Variants in C2orf80 observed in about 807,000 individuals in gnomAD.
C2orf80 encodes uncharacterized protein C2orf80.
In C2orf80, 28 loss-of-function variants were observed where a neutral mutation model predicts 30.2. The ratio of observed to expected loss-of-function variants is 0.93; its 90% CI spans 0.69 to 1.27. The LOEUF (loss-of-function observed/expected upper bound fraction) is 1.27, where lower values mean the gene tolerates loss of function less well. Among genes scored for constraint, C2orf80 ranks in the 50% most tolerant of loss-of-function variants. The pLI, the probability that C2orf80 is intolerant of heterozygous loss-of-function variation, is 0.00. For missense variants in C2orf80, 220 were observed against 231.0 expected (o/e 0.95, Z 0.31); for synonymous variants, 80 against 76.4 (o/e 1.05, Z -0.24).
chr2:208,174,532 C>A (rs1210171270), intron 6 of C2orf80, among the ~76,000 whole-genome samples: 1 of 152,188 alleles, frequency 6.6e-6, no homozygotes, highest in Admixed American at 6.5e-5. Flanking sequence ...GTGCCACCAT[C>A]GTGTGCTCGA....
At chr2:208,180,921 G>A in intron 5 of C2orf80, 105 bp from the exon 6 acceptor site, 3 of 923,068 alleles carry the variant, frequency 3.3e-6, no homozygotes, top group East Asian at 5.1e-5. Flanking sequence ...CTGTGCTTGG[G>A]TATCATAAGT....
intron 1 of C2orf80, 52 bp downstream of exon 1, chr2:208,189,901 C>T: frequency 1.4e-6 from 1 of 702,446 alleles, no homozygotes; most frequent in South Asian, 1.5e-5. Context: ...GTCTCTCGGG[C>T]TGTTCTATTA....
intron 8 of C2orf80, among the ~76,000 whole-genome samples, chr2:208,167,050 A>T (rs570010793): frequency 2.0e-5 from 3 of 152,238 alleles, no homozygotes; most frequent in South Asian, 4.1e-4. Flanking sequence ...GAGATGAAAA[A>T]CTAAAAGCAC....
intron 8 of C2orf80, among the ~76,000 whole-genome samples, chr2:208,167,292 G>A (rs1695926367): frequency 6.6e-6 from 1 of 151,910 alleles, no homozygotes; most frequent in South Asian, 2.1e-4. Context: ...GGGAGGCTGA[G>A]GTGGGTGGAT....
chr2:208,169,901 G>A (rs1696039758), intron 8 of C2orf80, among the ~76,000 whole-genome samples: 1 of 152,066 alleles, frequency 6.6e-6, no homozygotes, highest in Non-Finnish European at 1.5e-5. Flanking sequence ...AGTTCCTAAA[G>A]CAGTTGCTAT....
At chr2:208,179,580 T>C (rs1696483661) in intron 6 of C2orf80, among the ~76,000 whole-genome samples, 1 of 152,206 alleles carries the variant, frequency 6.6e-6, no homozygotes, top group South Asian at 2.1e-4. Context: ...TCTGGAGGTA[T>C]CCAAAGGTGA....
chr2:208,173,750 T>C (rs928148191), intron 6 of C2orf80, among the ~76,000 whole-genome samples: 6 of 152,166 alleles, frequency 3.9e-5, no homozygotes, highest in Non-Finnish European at 7.3e-5. Flanking sequence ...AACACATAAT[T>C]CAAACTAGTG....
chr2:208,171,946 T>A (rs776552508), intron 7 of C2orf80, 42 bp downstream of exon 7: 7 of 1,513,416 alleles, frequency 4.6e-6, no homozygotes, highest in Non-Finnish European at 6.4e-6. Context: ...TTTCCTAGTT[T>A]GACTTACATT....
At chr2:208,167,484 T>C (rs113851016) in intron 8 of C2orf80, among the ~76,000 whole-genome samples, 19 of 151,670 alleles carry the variant, frequency 1.3e-4, no homozygotes, top group African/African-American at 4.6e-4. Flanking sequence ...ATAACACCAC[T>C]GCACTCCAGC....
chr2:208,181,094 A>G, intron 5 of C2orf80, 124 bp downstream of exon 5: 1 of 740,992 alleles, frequency 1.3e-6, no homozygotes, highest in Non-Finnish European at 2.2e-6. Flanking sequence ...CGAAACATTT[A>G]CTATCAATAA....
intron 6 of C2orf80, among the ~76,000 whole-genome samples, chr2:208,176,037 G>A (rs1489732275): frequency 1.3e-5 from 2 of 152,100 alleles, no homozygotes; most frequent in Non-Finnish European, 2.9e-5. Flanking sequence ...GTGATCACTG[G>A]TTGTCCAAAA....
intron 1 of C2orf80, 133 bp from the exon 2 acceptor site, chr2:208,187,194 A>G (rs1461979382): frequency 1.9e-6 from 1 of 536,934 alleles, no homozygotes; most frequent in Non-Finnish European, 3.3e-6. Flanking sequence ...GTTCAGGGTC[A>G]AAAAGCCACC....
Position 208,186,939 on chromosome 2 carries a change from T to C in C2orf80, c.41+7A>G, listed in dbSNP as rs570000442. On this transcript the variant is annotated splice_region_variant and intron_variant, in intron 2 of 8. Transcript: ENST00000341287. ...CATAAATGAAAGTTATTCTCAGTCA[T>C]ACTTACAAGAGCTTTTTCATTTCCT... 94 of 1,612,854 alleles carry C rather than the reference T, an allele frequency of 5.8e-5. No homozygotes were observed. In the South Asian group the frequency reaches 9.1e-4, roughly 16 times the overall value.
intron 3 of C2orf80, among the ~76,000 whole-genome samples, chr2:208,183,694 G>A (rs1204245853): frequency 6.6e-6 from 1 of 152,150 alleles, no homozygotes; most frequent in African/African-American, 2.4e-5. Flanking sequence ...AGATGGGGAA[G>A]GAAATCACAG....
At chr2:208,167,817 C>T (rs1695950777) in intron 8 of C2orf80, among the ~76,000 whole-genome samples, 1 of 150,276 alleles carries the variant, frequency 6.7e-6, no homozygotes, top group African/African-American at 2.4e-5. Context: ...CTCAAGTAAT[C>T]TGCTCTCCTT....
intron 6 of C2orf80, among the ~76,000 whole-genome samples, chr2:208,176,345 T>A (rs2105900158): frequency 6.6e-6 from 1 of 152,246 alleles, no homozygotes; most frequent in East Asian, 1.9e-4. Flanking sequence ...CCGGCTAATT[T>A]TTGTATTTTT....
chr2:208,175,198 A>C (rs1696244439), intron 6 of C2orf80, among the ~76,000 whole-genome samples: 2 of 97,032 alleles, frequency 2.1e-5, no homozygotes, highest in Admixed American at 1.3e-4. Context: ...AGGCGAGAGA[A>C]TCACTTGAAC....
At position 208,165,667 on chromosome 2, in the gene C2orf80, C is replaced by T; in HGVS notation, c.*140G>A. ...CTTCTAAAAGAAGAAAGCTCAACAT[C>T]AAAAATAACACTTCAGTGCAGTTGT... On this transcript the variant is annotated 3_prime_UTR_variant, in exon 9 of 9. Transcript: ENST00000341287. 1 of 1,120,850 alleles carries T rather than the reference C, an allele frequency of 8.9e-7. No individual in the cohort carries two copies. The allele number at this position is 1,120,850 out of a possible 1,614,324, so 69.4% of individuals were successfully genotyped here.
chr2:208,175,313 A>G (rs1039292231), intron 6 of C2orf80, among the ~76,000 whole-genome samples: 1 of 151,770 alleles, frequency 6.6e-6, no homozygotes, highest in African/African-American at 2.4e-5. Flanking sequence ...AATGAGTAAG[A>G]CATTTTATAT....
Sources: gnomAD v4.1 joint callset for allele counts (sites outside exome capture counted in the v4.1 genomes callset) on GRCh38, gnomAD v4.1.1 for gene constraint, MANE v1.5 for transcripts, NCBI Gene and HGNC (gene_info 2026-07-23, HGNC 2026-07-21) for gene names.